The following CDK7 variants were observed in gnomAD, a reference collection of about 807,000 sequenced individuals.
The protein encoded by CDK7 is cyclin dependent kinase 7.
A neutral mutation model predicts 49.1 loss-of-function variants in CDK7; 25 were observed. The ratio of observed to expected loss-of-function variants is 0.51; its 90% CI spans 0.37 to 0.71. CDK7 has a LOEUF of 0.71. Among genes scored for constraint, CDK7 ranks in the 30% least tolerant of loss-of-function variants. The pLI is 0.00. For missense variants in CDK7, 316 were observed against 411.7 expected (o/e 0.77, Z 2.01); for synonymous variants, 107 against 140.0 (o/e 0.76, Z 1.67).
intron 5 of CDK7, among the ~76,000 whole-genome samples, chr5:69,257,628 A>G (rs912999455): frequency 2.0e-5 from 3 of 152,126 alleles, no homozygotes; most frequent in African/African-American, 7.2e-5. Flanking sequence ...TGAACCAATC[A>G]CTTGGCCAGG....
intron 2 of CDK7, among the ~76,000 whole-genome samples, chr5:69,250,359 T>C (rs1750058791): frequency 6.6e-6 from 1 of 152,232 alleles, no homozygotes; most frequent in African/African-American, 2.4e-5. Context: ...TTGGTGGTCT[T>C]GGATAAGGTC....
chr5:69,235,605 T>G, intron 2 of CDK7, 152 bp downstream of exon 2: 1 of 652,502 alleles, frequency 1.5e-6, no homozygotes, highest in Admixed American at 2.8e-5. Context: ...TGCTTTGTGT[T>G]CCCAAACGGA....
chr5:69,249,381 A>G (rs1749985966), intron 2 of CDK7, among the ~76,000 whole-genome samples: 1 of 151,720 alleles, frequency 6.6e-6, no homozygotes, highest in Non-Finnish European at 1.5e-5. Flanking sequence ...TCTCTACAGA[A>G]TATAGAAAAA....
chr5:69,277,076 T>C (rs2150249681), intron 11 of CDK7, 31 bp from the exon 12 acceptor site: 1 of 1,408,900 alleles, frequency 7.1e-7, no homozygotes, highest in Non-Finnish European at 9.6e-7. Flanking sequence ...TGTGAACAAC[T>C]TTTTTTTTTC....
chr5:69,275,054 ACT>A (rs1218322628), intron 10 of CDK7, among the ~76,000 whole-genome samples: 1 of 145,650 alleles, frequency 6.9e-6, no homozygotes, highest in Non-Finnish European at 1.5e-5. Context: ...ACAGGGTGAG[ACT>A]CTGTATCCAA....
Position 69,277,172 on chromosome 5 carries a change from T to TAGCC in CDK7, c.*39_*42dup. 6.6e-7 allele frequency: 1 copy of TAGCC among 1,523,738 alleles called. No homozygotes were observed. The highest frequency in any genetic ancestry group is 1.8e-4 in the Middle Eastern group (1 of 5,578). The allele number at this position is 1,523,738 out of a possible 1,614,324, so 94.4% of individuals were successfully genotyped here. On this transcript the variant is annotated 3_prime_UTR_variant, in exon 12 of 12. Transcript: ENST00000256443. Reference sequence around the variant, plus strand: ...GACAACATTTTACTACTGAGGGAAATAGCCAAAAAGGCAAATAATGGAAAA... The same window carrying TAGCC: ...GACAACATTTTACTACTGAGGGAAATAGCCAGCCAAAAAGGCAAATAATGGAAAA...
chr5:69,264,837 G>A (rs1751039767), intron 8 of CDK7, among the ~76,000 whole-genome samples: 1 of 152,006 alleles, frequency 6.6e-6, no homozygotes, highest in African/African-American at 2.4e-5. Flanking sequence ...GGGTTTGGTG[G>A]CACATGCCTG....
chr5:69,273,808 C>T (rs946755765), intron 10 of CDK7, among the ~76,000 whole-genome samples: 3 of 152,068 alleles, frequency 2.0e-5, no homozygotes, highest in African/African-American at 7.2e-5. Context: ...TTCCAGGCTA[C>T]AAAATCATTG....
chr5:69,249,248 A>G (rs1248061624), intron 2 of CDK7, among the ~76,000 whole-genome samples: 1 of 152,082 alleles, frequency 6.6e-6, no homozygotes, highest in Non-Finnish European at 1.5e-5. Context: ...CTGCTATTAA[A>G]AGGCTGATGC....
intron 8 of CDK7, among the ~76,000 whole-genome samples, chr5:69,264,007 T>C (rs962124733): frequency 1.3e-5 from 2 of 152,232 alleles, no homozygotes; most frequent in African/African-American, 4.8e-5. Context: ...GCTGTTCTTG[T>C]GCTCAATTGA....
chr5:69,252,876 A>G (rs1750243120), intron 3 of CDK7, among the ~76,000 whole-genome samples: 1 of 152,202 alleles, frequency 6.6e-6, no homozygotes, highest in Non-Finnish European at 1.5e-5. Context: ...GGTTCTGGAT[A>G]GAGTTACTGC....
intron 8 of CDK7, among the ~76,000 whole-genome samples, chr5:69,262,787 T>C (rs1026552328): frequency 1.3e-5 from 2 of 152,182 alleles, no homozygotes; most frequent in Non-Finnish European, 2.9e-5. Flanking sequence ...TTTTTAATGT[T>C]AATATGAAAT....
chr5:69,250,993 A>C (rs956393081), intron 2 of CDK7, among the ~76,000 whole-genome samples: 1 of 152,004 alleles, frequency 6.6e-6, no homozygotes, highest in Non-Finnish European at 1.5e-5. Context: ...GCAGTGGTGC[A>C]ATCATAGCTC....
Position 69,255,441 on chromosome 5 carries a change from T to G in CDK7, c.229-19T>G. ...AGGTATTAAATAGTGAATCACATTT[T>G]AATTTTTTAACTTTGCAGCTCCTTG... On this transcript the variant is annotated intron_variant, in intron 4 of 11. Transcript: ENST00000256443. The G allele has an allele frequency of 6.7e-7, 1 of 1,488,340 alleles. No homozygotes were observed. Among genetic ancestry groups the G allele is most frequent in the Non-Finnish European group, 9.1e-7 (1 of 1,095,876 alleles). 92.2% of individuals were successfully genotyped at this position (1,488,340 alleles called of 1,614,324 possible). A position where few individuals can be genotyped will look rare whatever the true frequency, so the allele number is the denominator to read the frequency against.
At chr5:69,276,967 T>C (rs1400131684) in intron 11 of CDK7, 140 bp from the exon 12 acceptor site, 2 of 728,824 alleles carry the variant, frequency 2.7e-6, no homozygotes, top group East Asian at 2.6e-5. Context: ...ACATGCTAAA[T>C]GTTTAACAAG....
intron 11 of CDK7, 57 bp downstream of exon 11, chr5:69,276,747 G>A (rs760698601): frequency 2.4e-5 from 35 of 1,447,164 alleles, no homozygotes; most frequent in Middle Eastern, 1.8e-4. Context: ...CAAATAGCTC[G>A]TGTATGGCTA....
At chr5:69,237,965 G>A (rs1561341940) in intron 2 of CDK7, among the ~76,000 whole-genome samples, 1 of 152,114 alleles carries the variant, frequency 6.6e-6, no homozygotes, top group Non-Finnish European at 1.5e-5. Flanking sequence ...TTTCTACTAT[G>A]AACATTGAGG....
At chr5:69,254,081 C>A (rs1750325591) in intron 3 of CDK7, among the ~76,000 whole-genome samples, 1 of 152,088 alleles carries the variant, frequency 6.6e-6, no homozygotes, top group Non-Finnish European at 1.5e-5. Flanking sequence ...ACCTGGCTGA[C>A]AGGGTGAAAC....
intron 10 of CDK7, among the ~76,000 whole-genome samples, chr5:69,275,462 G>A (rs1396617199): frequency 6.6e-6 from 1 of 152,082 alleles, no homozygotes; most frequent in Non-Finnish European, 1.5e-5. Flanking sequence ...TCAATATGTA[G>A]AGAATGGAAA....
Sources: allele counts gnomAD v4.1 joint callset (sites outside exome capture counted in the v4.1 genomes callset), GRCh38; gene constraint gnomAD v4.1.1; transcripts MANE v1.5; gene names NCBI Gene and HGNC (gene_info 2026-07-23, HGNC 2026-07-21).